The following WIPF2 variants were observed in gnomAD, a reference collection of about 807,000 sequenced individuals.
WIPF2 encodes WAS/WASL-interacting protein family member 2.
In WIPF2, 23 loss-of-function variants were observed where a neutral mutation model predicts 38.8. That is an observed-to-expected ratio of 0.59 (90% CI 0.43 to 0.84). WIPF2 has a LOEUF of 0.84. Ranked by LOEUF, WIPF2 falls within the 40% of genes least tolerant of loss-of-function variation. The pLI, the probability that WIPF2 is intolerant of heterozygous loss-of-function variation, is 0.00. For synonymous variants in WIPF2, 210 were observed against 223.2 expected (o/e 0.94, Z 0.53); for missense variants, 574 against 580.5 (o/e 0.99, Z 0.11).
In WIPF2 at chr17:40,254,764, C is replaced by G. The variant is rs565751763; in HGVS notation, c.-69-1627C>G. Reference sequence around the variant, plus strand: ...TTTTTTTTTTTGAGACAGAGTTTCGCTCTGTTGCCCAGGCTAGAGGGCAGT... The same window carrying G: ...TTTTTTTTTTTGAGACAGAGTTTCGGTCTGTTGCCCAGGCTAGAGGGCAGT... On this transcript the variant is annotated intron_variant, in intron 1 of 7. Transcript: ENST00000323571. 2.6e-5 allele frequency among the ~76,000 whole-genome samples: 4 copies of G among 151,824 alleles called. No individual in the cohort carries two copies. In the East Asian group the frequency reaches 7.7e-4, roughly 29 times the overall value.
rs913305854 is a variant in WIPF2, at chr17:40,254,102, C to T, written c.-69-2289C>T. 7.2e-5 allele frequency among the ~76,000 whole-genome samples: 11 copies of T among 151,804 alleles called. No individual in the cohort carries two copies. In the East Asian group the frequency reaches 7.8e-4, roughly 11 times the overall value. On this transcript the variant is annotated intron_variant, in intron 1 of 7. Coordinates refer to ENST00000323571, the MANE Select transcript of WIPF2 (RefSeq NM_133264.5). ...TGCGTTCTGGGCTTACTGCAACCTC[C>T]GCCTCCCGGGTTCAAGCAACTCGGC...
intron 1 of WIPF2, among the ~76,000 whole-genome samples, chr17:40,250,762 A>G (rs772371733): frequency 2.0e-5 from 3 of 152,000 alleles, no homozygotes; most frequent in Non-Finnish European, 4.4e-5. Context: ...TCTCAGGTTT[A>G]ACCTCAAGAC....
In WIPF2 at chr17:40,284,057, C is replaced by G. The variant is rs1316273288; in HGVS notation, c.*5832C>G. On this transcript the variant is annotated 3_prime_UTR_variant, in exon 8 of 8. Coordinates refer to ENST00000323571, the MANE Select transcript of WIPF2 (RefSeq NM_133264.5). ...ACTCCTTTCATTTTCATCCGTACTT[C>G]CCAGATGGGCTGAATCTCCGATTAT... is the stretch of plus-strand genomic sequence containing the variant. 6.6e-6 allele frequency: 1 copy of G among 152,170 alleles called. No individual in the cohort carries two copies. The highest frequency in any genetic ancestry group is 1.5e-5 in the Non-Finnish European group (1 of 68,024). The allele number at this position is 152,170 out of a possible 1,614,324, so 9.4% of individuals were successfully genotyped here. A position where few individuals can be genotyped will look rare whatever the true frequency, so the allele number is the denominator to read the frequency against.
At chr17:40,255,386 G>C (rs896539127) in intron 1 of WIPF2, among the ~76,000 whole-genome samples, 1 of 151,130 alleles carries the variant, frequency 6.6e-6, no homozygotes, top group South Asian at 2.1e-4. Flanking sequence ...GCAGTGGTGC[G>C]ACATCTGCTC....
chr17:40,250,940 G>A (rs1247180337), intron 1 of WIPF2, among the ~76,000 whole-genome samples: 2 of 98,106 alleles, frequency 2.0e-5, no homozygotes, highest in Admixed American at 1.2e-4. Flanking sequence ...TTTTTTTTGA[G>A]TCTCGCTTTG....
chr17:40,258,934 C>T (rs1200840056), intron 2 of WIPF2, among the ~76,000 whole-genome samples: 1 of 142,304 alleles, frequency 7.0e-6, no homozygotes, highest in African/African-American at 2.6e-5. Flanking sequence ...GTGCATGACA[C>T]TGCATATAGC....
At chr17:40,259,566 C>G (rs2031835779) in intron 2 of WIPF2, among the ~76,000 whole-genome samples, 1 of 152,010 alleles carries the variant, frequency 6.6e-6, no homozygotes, top group Non-Finnish European at 1.5e-5. Flanking sequence ...TGTCCTAAAC[C>G]TTTGTTTTCT....
chr17:40,263,704 G>A lies in WIPF2; in HGVS notation c.314-786G>A, dbSNP rs900367799. On this transcript the variant is annotated intron_variant, in intron 4 of 7. Transcript: ENST00000323571. ...ATTACAGGCACAGGCCACCACACCTGGCTAATTTTTGTAGTTTTAGTAGAG... is the reference window on the plus strand; with the variant it reads ...ATTACAGGCACAGGCCACCACACCTAGCTAATTTTTGTAGTTTTAGTAGAG... 2.0e-5 allele frequency among the ~76,000 whole-genome samples: 3 copies of A among 151,612 alleles called. No individual in the cohort carries two copies. The South Asian group carries it at 6.3e-4, about 32-fold the overall frequency.
In WIPF2 at chr17:40,265,135, G is replaced by C. The variant is rs1369260296; in HGVS notation, c.959G>C (p.Ser320Thr). ...RPPPPARDPP[S>T]RGAAPPPPPP... ...CCTCCCCCAGCCCGAGACCCTCCCA[G>C]TCGGGGAGCAGGTAAGTGCTTGGAA... Residue 320 changes from serine to threonine, a missense_variant, in exon 5 of 8, where the codon AGT (serine) becomes ACT (threonine). Coordinates refer to ENST00000323571, the MANE Select transcript of WIPF2 (RefSeq NM_133264.5). 6.2e-7 allele frequency: 1 copy of C among 1,606,658 alleles called. No individual in the cohort carries two copies. Among genetic ancestry groups the C allele is most frequent in the Non-Finnish European group, 8.5e-7 (1 of 1,175,932 alleles).
intron 1 of WIPF2, among the ~76,000 whole-genome samples, chr17:40,224,188 G>A (rs963510018): frequency 6.6e-6 from 1 of 150,744 alleles, no homozygotes; most frequent in East Asian, 1.9e-4. Flanking sequence ...GCTCCTGGGC[G>A]GACTTTTGGT....
At chr17:40,251,621 T>A (rs2031565093) in intron 1 of WIPF2, among the ~76,000 whole-genome samples, 1 of 152,196 alleles carries the variant, frequency 6.6e-6, no homozygotes, top group Non-Finnish European at 1.5e-5. Flanking sequence ...GGGGAGTTTT[T>A]TGTTTGTTTT....
intron 2 of WIPF2, among the ~76,000 whole-genome samples, chr17:40,258,573 A>AGAGCGAGACTCTG (rs2031802139): frequency 6.6e-6 from 1 of 152,080 alleles, no homozygotes; most frequent in Non-Finnish European, 1.5e-5. Context: ...CCTGGATGAC[A>AGAGCGAGACTCTG]GAGCGAGACT....
chr17:40,277,096 A>C lies in WIPF2; in HGVS notation c.1194A>C (p.Ser398=), dbSNP rs372997095. The change falls in exon 7 of 8, where the codon TCA becomes TCC. Residue 398 remains serine (S), a synonymous_variant. Coordinates refer to ENST00000323571, the MANE Select transcript of WIPF2 (RefSeq NM_133264.5). Reference sequence around the variant, plus strand: ...TTCTTTTCGCAGATGATTTTGAGTCAAAGTATTCCTTCCATCCAGTAGAAG... The same window carrying C: ...TTCTTTTCGCAGATGATTTTGAGTCCAAGTATTCCTTCCATCCAGTAGAAG... ...TVRSFLDDFE[S]KYSFHPVEDF... is the part of the protein sequence containing the mutation. 5.6e-5 allele frequency: 91 copies of C among 1,612,120 alleles called. No individual in the cohort carries two copies. The highest frequency in any genetic ancestry group is 7.3e-5 in the Non-Finnish European group (86 of 1,179,200).
At chr17:40,274,841 G>A (rs1180854103) in intron 6 of WIPF2, among the ~76,000 whole-genome samples, 1 of 149,754 alleles carries the variant, frequency 6.7e-6, no homozygotes, top group East Asian at 2.0e-4. Context: ...TACTCAGGAG[G>A]ATTGCCTAAG....
At chr17:40,274,656 A>G (rs2032342434) in intron 6 of WIPF2, among the ~76,000 whole-genome samples, 1 of 151,072 alleles carries the variant, frequency 6.6e-6, no homozygotes. Context: ...ATTAAAGAAA[A>G]AAGGATTGGG....
intron 1 of WIPF2, among the ~76,000 whole-genome samples, chr17:40,238,070 A>G (rs74781639): frequency 9.2e-6 from 1 of 109,252 alleles, no homozygotes; most frequent in Non-Finnish European, 1.9e-5. Context: ...GTCTCAAAAG[A>G]AAAAAAAAAA....
In WIPF2 at chr17:40,248,163, CTTTTTTTT is replaced by C. The variant is rs60359132; in HGVS notation, c.-69-8208_-69-8201del. ...TTTAATAAAAATTTAAAAGTTATTT[CTTTTTTTT>C]TTTTTTTTTTTTTTTTTTTGAGACT... On this transcript the variant is annotated intron_variant, in intron 1 of 7. Transcript: ENST00000323571. Among the ~76,000 whole-genome samples the C allele has an allele frequency of 3.7e-3, 175 of 47,594 alleles. 2 individuals are homozygous for C. The highest frequency in any genetic ancestry group is 0.011 in the African/African-American group (137 of 12,074). The allele number at this position is 47,594 out of a possible 152,430, so 31.2% of individuals were successfully genotyped here. A position where few individuals can be genotyped will look rare whatever the true frequency, so the allele number is the denominator to read the frequency against.
At chr17:40,263,514 T>C (rs1008861917) in intron 4 of WIPF2, among the ~76,000 whole-genome samples, 6 of 149,560 alleles carry the variant, frequency 4.0e-5, no homozygotes, top group Non-Finnish European at 8.9e-5. Flanking sequence ...GCTAAAAGAG[T>C]ATATTTTATT....
At chr17:40,269,189 G>A (rs2145399718) in intron 5 of WIPF2, among the ~76,000 whole-genome samples, 1 of 152,112 alleles carries the variant, frequency 6.6e-6, no homozygotes, top group East Asian at 1.9e-4. Flanking sequence ...GCATGATGGC[G>A]GGTGCCTGTA....
Sources: allele counts gnomAD v4.1 joint callset (sites outside exome capture counted in the v4.1 genomes callset), GRCh38; gene constraint gnomAD v4.1.1; transcripts MANE v1.5; gene names NCBI Gene and HGNC (gene_info 2026-07-23, HGNC 2026-07-21).